The following GLCCI1 variants were observed in gnomAD, a reference collection of about 807,000 sequenced individuals.
GLCCI1 encodes glucocorticoid induced 1, also known as glucocorticoid-induced transcript 1 protein.
In GLCCI1, 24 loss-of-function variants were observed where a neutral mutation model predicts 52.2. That is an observed-to-expected ratio of 0.46 (90% CI 0.33 to 0.65). The LOEUF (loss-of-function observed/expected upper bound fraction) is 0.65. Among genes scored for constraint, GLCCI1 ranks in the 30% least tolerant of loss-of-function variants. The probability of loss-of-function intolerance (pLI) is 0.02; values close to 1 mark genes in which losing one functional copy is unlikely to be tolerated. For missense variants in GLCCI1, 704 were observed against 701.5 expected, an observed-to-expected ratio of 1.00 and a Z score of -0.04; for synonymous variants, 310 against 276.5, an observed-to-expected ratio of 1.12 and a Z score of -1.20.
At chr7:8,071,672 C>T (rs1226497080) in intron 6 of GLCCI1, among the ~76,000 whole-genome samples, 1 of 152,136 alleles carries the variant, frequency 6.6e-6, no homozygotes, top group Non-Finnish European at 1.5e-5. Context: ...TCCTATCAAG[C>T]CCAACTGTCT....
rs189244213 is a variant in GLCCI1 at position 8,031,357 on chromosome 7, C to T, written c.696+8788C>T. On this transcript the variant is annotated intron_variant, in intron 3 of 7. Transcript: ENST00000223145. ...ATATAAAAATCAAAACAATAGAACTCGTGGAACTAGAGGATAGAAGGATGG... is the reference window on the plus strand; with the variant it reads ...ATATAAAAATCAAAACAATAGAACTTGTGGAACTAGAGGATAGAAGGATGG... Among the ~76,000 whole-genome samples the T allele has an allele frequency of 9.9e-4, 150 of 151,964 alleles. 1 individual carries two copies. Among genetic ancestry groups the T allele is most frequent in the Middle Eastern group, 3.4e-3 (1 of 294 alleles).
chr7:8,001,673 A>G (rs1373864077), intron 1 of GLCCI1, among the ~76,000 whole-genome samples: 1 of 152,234 alleles, frequency 6.6e-6, no homozygotes, highest in Non-Finnish European at 1.5e-5. Flanking sequence ...TTGCGGCACT[A>G]TTCACAATAG....
Position 8,013,696 on chromosome 7 carries a change from T to C in GLCCI1, c.610-8787T>C, listed in dbSNP as rs896384969. On this transcript the variant is annotated intron_variant, in intron 2 of 7. Transcript: ENST00000223145. ...CTTCAGAATATTTTACAACTTCTTA[T>C]TGGAACAACACATTTCTTGTTAAAC... Among the ~76,000 whole-genome samples the C allele has an allele frequency of 2.0e-5, 3 of 152,326 alleles. No individual in the cohort carries two copies. The East Asian group carries it at 5.8e-4, about 29-fold the overall frequency.
chr7:8,064,965 C>A (rs1156638882), intron 5 of GLCCI1, among the ~76,000 whole-genome samples: 1 of 152,166 alleles, frequency 6.6e-6, no homozygotes, highest in Admixed American at 6.5e-5. Context: ...ATCTGCCCAC[C>A]TCGGCCCCCC....
intron 1 of GLCCI1, among the ~76,000 whole-genome samples, chr7:7,984,626 C>T (rs930097595): frequency 9.2e-5 from 14 of 152,148 alleles, no homozygotes; most frequent in African/African-American, 3.4e-4. Flanking sequence ...ATGTTATTTA[C>T]GCAAACTTTT....
chr7:7,991,991 C>G lies in GLCCI1; in HGVS notation c.458-11917C>G, dbSNP rs1780846000. ...CTAGGTTACTTAGGGAGAAAACTTA[C>G]CTCTCTAAGGCTAGCCAATTCAATG... On this transcript the variant is annotated intron_variant, in intron 1 of 7. Coordinates refer to ENST00000223145, the MANE Select transcript of GLCCI1 (RefSeq NM_138426.4). 3.3e-5 allele frequency among the ~76,000 whole-genome samples: 5 copies of G among 151,956 alleles called. No individual in the cohort carries two copies. The South Asian group carries it at 1.0e-3, about 31-fold the overall frequency.
chr7:8,002,115 AG>A (rs112772275), intron 1 of GLCCI1, among the ~76,000 whole-genome samples: 2 of 152,122 alleles, frequency 1.3e-5, no homozygotes, highest in Non-Finnish European at 2.9e-5. Flanking sequence ...AGGAAAAAAA[AG>A]GAATCTATAT....
chr7:8,078,177 C>A (rs996131778), intron 6 of GLCCI1, among the ~76,000 whole-genome samples: 12 of 141,462 alleles, frequency 8.5e-5, no homozygotes, highest in African/African-American at 3.2e-4. Flanking sequence ...CCACTGCACT[C>A]CAGCCTGGGC....
At position 8,075,358 on chromosome 7, in the gene GLCCI1, A is replaced by G. The variant is rs549685659; in HGVS notation, c.1177+4227A>G. Among the ~76,000 whole-genome samples the G allele has an allele frequency of 1.3e-4, 20 of 152,336 alleles. No homozygotes were observed. The South Asian group carries it at 4.1e-3, about 32-fold the overall frequency. Reference sequence around the variant, plus strand: ...TCACATGTGTAAAGTTTCCAGGCTAACTAATAGCCATAGGAACTACTACTG... The same window carrying G: ...TCACATGTGTAAAGTTTCCAGGCTAGCTAATAGCCATAGGAACTACTACTG... On this transcript the variant is annotated intron_variant, in intron 6 of 7. Transcript: ENST00000223145.
At chr7:8,048,571 C>T (rs1253893165) in intron 3 of GLCCI1, among the ~76,000 whole-genome samples, 1 of 152,058 alleles carries the variant, frequency 6.6e-6, no homozygotes, top group Non-Finnish European at 1.5e-5. Flanking sequence ...TGAGTCTTTC[C>T]AAGTTGTTCC....
intron 1 of GLCCI1, among the ~76,000 whole-genome samples, chr7:7,991,095 C>A (rs1302426367): frequency 6.6e-6 from 1 of 152,066 alleles, no homozygotes; most frequent in Non-Finnish European, 1.5e-5. Context: ...GGAAATCATA[C>A]CTTACTCAGG....
At chr7:8,083,838 T>C (rs1305105778) in intron 6 of GLCCI1, among the ~76,000 whole-genome samples, 1 of 152,226 alleles carries the variant, frequency 6.6e-6, no homozygotes, top group Non-Finnish European at 1.5e-5. Flanking sequence ...GCATGTGTTA[T>C]AACTTCATTA....
Position 8,086,485 on chromosome 7 carries a change from C to T in GLCCI1, c.1591C>T (p.Gln531Ter). 6.2e-7 allele frequency: 1 copy of T among 1,613,972 alleles called. No individual in the cohort carries two copies. ...QQPSQQQQLL[Q>*]ELQGEDHISA... is the part of the protein sequence containing the mutation. ...GCCATCCCAGCAGCAGCAGCTCCTG[C>T]AGGAACTGCAGGGTGAGGACCACAT... The change falls in exon 8 of 8, where the codon CAG becomes TAG. Residue 531 changes from glutamine (Q) to a stop codon, truncating the protein, a stop_gained. Coordinates refer to ENST00000223145, the MANE Select transcript of GLCCI1 (RefSeq NM_138426.4). LOFTEE classifies it high-confidence loss of function. This position sits in a 1 kb window ranked among gnomAD's most constrained non-coding sequence, Gnocchi z 4.4.
intron 4 of GLCCI1, among the ~76,000 whole-genome samples, chr7:8,058,112 G>T (rs1475240961): frequency 6.6e-6 from 1 of 152,076 alleles, no homozygotes; most frequent in Non-Finnish European, 1.5e-5. Flanking sequence ...ACTGAAACTA[G>T]ATGACTAGAT....
intron 3 of GLCCI1, among the ~76,000 whole-genome samples, chr7:8,023,588 C>CATTTTTTTTTTTTTTT (rs1781543370): frequency 2.4e-5 from 1 of 41,984 alleles, no homozygotes; most frequent in African/African-American, 1.0e-4. Flanking sequence ...CTCTGTTATT[C>CATTTTTTTTTTTTTTT]TTTTTTTTTT....
At chr7:8,061,714 T>C (rs1782520533) in intron 5 of GLCCI1, among the ~76,000 whole-genome samples, 1 of 130,424 alleles carries the variant, frequency 7.7e-6, no homozygotes, top group East Asian at 2.5e-4. Context: ...TTGCCTAGGC[T>C]GGAGTGCAGT....
At chr7:8,060,539 T>A (rs776592589) in intron 5 of GLCCI1, among the ~76,000 whole-genome samples, 14 of 152,176 alleles carry the variant, frequency 9.2e-5, no homozygotes, top group Admixed American at 6.5e-5. Context: ...GTTGATGGAT[T>A]TTTTGCTGGT....
intron 2 of GLCCI1, among the ~76,000 whole-genome samples, chr7:8,005,759 T>G (rs1781136428): frequency 6.6e-6 from 1 of 152,084 alleles, no homozygotes; most frequent in East Asian, 1.9e-4. Flanking sequence ...GTGCTGACAC[T>G]ATCGAGAGGG....
At chr7:8,082,500 G>GA (rs529210870) in intron 6 of GLCCI1, among the ~76,000 whole-genome samples, 12 of 151,902 alleles carry the variant, frequency 7.9e-5, no homozygotes, top group African/African-American at 2.9e-4. Flanking sequence ...TTAACCTGAA[G>GA]AAAAAACTCC....
Sources: allele counts gnomAD v4.1 joint callset (sites outside exome capture counted in the v4.1 genomes callset), GRCh38; gene constraint gnomAD v4.1.1; non-coding constraint Gnocchi (gnomAD v3.1); transcripts MANE v1.5; gene names NCBI Gene and HGNC (gene_info 2026-07-23, HGNC 2026-07-21).